The following CREB5 variants were observed in gnomAD, a reference collection of about 807,000 sequenced individuals.
CREB5 encodes the protein cAMP responsive element binding protein 5.
A neutral mutation model predicts 57.1 loss-of-function variants in CREB5; 19 were observed. The ratio of observed to expected loss-of-function variants is 0.33; its 90% CI spans 0.23 to 0.49. The LOEUF (loss-of-function observed/expected upper bound fraction) is 0.49, where lower values mean the gene tolerates loss of function less well. CREB5 is among the 20% of genes least tolerant of loss of function. CREB5 has a pLI of 0.99. For synonymous variants in CREB5, 238 were observed against 238.3 expected (o/e 1.00, Z 0.01); for missense variants, 579 against 671.6 (o/e 0.86, Z 1.52).
intron 3 of CREB5, among the ~76,000 whole-genome samples, chr7:28,498,522 A>G (rs1349882664): frequency 6.6e-6 from 1 of 152,252 alleles, no homozygotes; most frequent in Non-Finnish European, 1.5e-5. Flanking sequence ...TTGAAAGATC[A>G]GAAATAATTT....
chr7:28,323,859 C>A (rs1377777239), intron 1 of CREB5, among the ~76,000 whole-genome samples: 1 of 152,152 alleles, frequency 6.6e-6, no homozygotes, highest in Non-Finnish European at 1.5e-5. Flanking sequence ...TGTTTTCCTG[C>A]AAATAGATGG....
chr7:28,485,636 A>G (rs1791515564), intron 1 of CREB5, among the ~76,000 whole-genome samples: 1 of 152,106 alleles, frequency 6.6e-6, no homozygotes, highest in African/African-American at 2.4e-5. Flanking sequence ...CCTCTTATTA[A>G]GGTATGGACC....
intron 5 of CREB5, among the ~76,000 whole-genome samples, chr7:28,602,201 A>G (rs1462102414): frequency 6.6e-6 from 1 of 152,084 alleles, no homozygotes; most frequent in Admixed American, 6.6e-5. Flanking sequence ...ATCTCGGCTC[A>G]CTGCAACCTC....
At chr7:28,651,153 C>A (rs1799114304) in intron 5 of CREB5, among the ~76,000 whole-genome samples, 2 of 151,776 alleles carry the variant, frequency 1.3e-5, no homozygotes, top group African/African-American at 4.8e-5. Flanking sequence ...CCTGTAAAAC[C>A]AATATATCTT....
chr7:28,739,172 A>G (rs1452520138), intron 7 of CREB5, among the ~76,000 whole-genome samples: 1 of 152,262 alleles, frequency 6.6e-6, no homozygotes, highest in African/African-American at 2.4e-5. Context: ...GTGCTCTTCA[A>G]TACAGTAGCC....
intron 1 of CREB5, among the ~76,000 whole-genome samples, chr7:28,423,868 C>T (rs1489421684): frequency 6.6e-6 from 1 of 152,224 alleles, no homozygotes; most frequent in Non-Finnish European, 1.5e-5. Flanking sequence ...GCGACCACAT[C>T]TCTGGCACTC....
At chr7:28,774,511 A>G (rs1235254839) in intron 7 of CREB5, among the ~76,000 whole-genome samples, 1 of 152,220 alleles carries the variant, frequency 6.6e-6, no homozygotes, top group Non-Finnish European at 1.5e-5. Context: ...GACATTTGTT[A>G]TTCTGAGACT....
At chr7:28,638,342 A>ATTCTTTTTTCTTTTT (rs144448040) in intron 5 of CREB5, among the ~76,000 whole-genome samples, 127,673 of 145,426 alleles carry the variant, frequency 0.88, 56,377 homozygotes, top group East Asian at 0.97. Flanking sequence ...AGGTTTGCAT[A>ATTCTTTTTTCTTTTT]TTCTTTTTTC....
chr7:28,382,518 T>A (rs1786986502), intron 1 of CREB5, among the ~76,000 whole-genome samples: 1 of 152,144 alleles, frequency 6.6e-6, no homozygotes, highest in Non-Finnish European at 1.5e-5. Context: ...TCCTGCATTT[T>A]TTTCCGTGAG....
At chr7:28,306,271 C>T (rs1417010996) in intron 1 of CREB5, among the ~76,000 whole-genome samples, 1 of 152,174 alleles carries the variant, frequency 6.6e-6, no homozygotes, top group Non-Finnish European at 1.5e-5. Flanking sequence ...CTGTGTTACT[C>T]TTTTCTACAC....
intron 7 of CREB5, among the ~76,000 whole-genome samples, chr7:28,741,062 T>C (rs969599448): frequency 9.9e-5 from 15 of 152,000 alleles, no homozygotes; most frequent in Non-Finnish European, 1.8e-4. Flanking sequence ...GTTGTTGAGT[T>C]ACCAAAAATG....
intron 7 of CREB5, among the ~76,000 whole-genome samples, chr7:28,734,120 A>C (rs1409778511): frequency 6.7e-6 from 1 of 149,650 alleles, no homozygotes; most frequent in Non-Finnish European, 1.5e-5. Context: ...GTGTGGCACC[A>C]TCTGAAGGTG....
intron 8 of CREB5, among the ~76,000 whole-genome samples, chr7:28,808,750 A>G (rs776797287): frequency 1.1e-3 from 106 of 97,952 alleles, no homozygotes; most frequent in Non-Finnish European, 1.3e-3. Flanking sequence ...TTGTAGAGAC[A>G]GGGTCTTGCT....
At chr7:28,349,997 T>A (rs1370520565) in intron 1 of CREB5, among the ~76,000 whole-genome samples, 1 of 152,132 alleles carries the variant, frequency 6.6e-6, no homozygotes, top group Non-Finnish European at 1.5e-5. Context: ...TCAAGGCCTT[T>A]TAAGTCATAG....
At chr7:28,379,376 C>T (rs547411448) in intron 1 of CREB5, among the ~76,000 whole-genome samples, 1 of 152,220 alleles carries the variant, frequency 6.6e-6, no homozygotes, top group Non-Finnish European at 1.5e-5. Flanking sequence ...GTTCTGCTGA[C>T]CCTCAGTGTT....
At chr7:28,357,178 G>C (rs150788950) in intron 1 of CREB5, among the ~76,000 whole-genome samples, 1 of 152,198 alleles carries the variant, frequency 6.6e-6, no homozygotes, top group East Asian at 1.9e-4. Context: ...AGGGAAGGCT[G>C]TGTTGCTGGC....
intron 5 of CREB5, among the ~76,000 whole-genome samples, chr7:28,628,600 C>T (rs906711022): frequency 1.3e-5 from 2 of 151,974 alleles, no homozygotes; most frequent in South Asian, 2.1e-4. Context: ...GAACATTCTA[C>T]TGTGTGAGGG....
intron 4 of CREB5, among the ~76,000 whole-genome samples, chr7:28,522,800 G>A (rs913508991): frequency 1.3e-5 from 2 of 152,164 alleles, no homozygotes; most frequent in African/African-American, 4.8e-5. Context: ...CAGCGTGGCT[G>A]GCCCTGAAAC....
intron 4 of CREB5, among the ~76,000 whole-genome samples, chr7:28,531,943 C>T (rs1448363460): frequency 2.6e-5 from 4 of 152,178 alleles, no homozygotes; most frequent in Non-Finnish European, 5.9e-5. Flanking sequence ...GTAGGAGAAT[C>T]GTTTGAACCC....
Sources: allele counts gnomAD v4.1 joint callset (sites outside exome capture counted in the v4.1 genomes callset), GRCh38; gene constraint gnomAD v4.1.1; transcripts MANE v1.5; gene names NCBI Gene and HGNC (gene_info 2026-07-23, HGNC 2026-07-21).